AGBL1: variants seen among roughly 807,000 people sequenced by gnomAD.
AGBL1 encodes cytosolic carboxypeptidase 4.
AGBL1 carries 130 observed loss-of-function variants against 118.9 expected under a neutral mutation model. The observed-to-expected ratio is 1.09, with a 90% CI of 0.95 to 1.26. The LOEUF (loss-of-function observed/expected upper bound fraction) is 1.26, where lower values mean the gene tolerates loss of function less well. Ranked by LOEUF, AGBL1 falls within the 50% of genes most tolerant of loss-of-function variation. The pLI, the probability that AGBL1 is intolerant of heterozygous loss-of-function variation, is 0.00. For synonymous variants in AGBL1, 555 were observed against 478.9 expected (o/e 1.16, Z -2.08); for missense variants, 1,584 against 1,298.1 (o/e 1.22, Z -3.38).
At position 86,574,646 on chromosome 15, in the gene AGBL1, C is replaced by T. The variant is rs180937761; in HGVS notation, c.2994+20109C>T. ...AGGCTGGAGTGCGATGGTGTGATCT[C>T]GGCTTACTGCAATCTCCACCTCCCA... On this transcript the variant is annotated intron_variant, in intron 21 of 22. Coordinates refer to ENST00000614907, the MANE Select transcript of AGBL1 (RefSeq NM_001386094.1). Among the ~76,000 whole-genome samples, 55 of 126,690 alleles carry T rather than the reference C, an allele frequency of 4.3e-4. No homozygotes were observed. The East Asian group carries it at 7.6e-3, about 17-fold the overall frequency. The allele number at this position is 126,690 out of a possible 152,430, so 83.1% of individuals were successfully genotyped here.
At chr15:86,285,850 A>G (rs550399818) in intron 16 of AGBL1, among the ~76,000 whole-genome samples, 1 of 152,238 alleles carries the variant, frequency 6.6e-6, no homozygotes, top group African/African-American at 2.4e-5. Flanking sequence ...TCCAGCCAAC[A>G]CTATTTTGAA....
At chr15:86,770,515 C>T (rs2078161814) in intron 22 of AGBL1, among the ~76,000 whole-genome samples, 1 of 151,820 alleles carries the variant, frequency 6.6e-6, no homozygotes, top group South Asian at 2.1e-4. Context: ...ATTTAGAAAC[C>T]CTACAATAGG....
At chr15:86,514,017 A>G (rs896738306) in intron 18 of AGBL1, among the ~76,000 whole-genome samples, 1 of 151,836 alleles carries the variant, frequency 6.6e-6, no homozygotes, top group South Asian at 2.1e-4. Flanking sequence ...GGTTTCTTTT[A>G]TTCAATAATG....
At chr15:86,156,654 C>T (rs927745266) in intron 4 of AGBL1, among the ~76,000 whole-genome samples, 12 of 152,138 alleles carry the variant, frequency 7.9e-5, no homozygotes, top group African/African-American at 2.9e-4. Context: ...CTTCCCCGCC[C>T]TATGCTTTTC....
intron 22 of AGBL1, among the ~76,000 whole-genome samples, chr15:86,789,071 C>T (rs2078455200): frequency 6.6e-6 from 1 of 152,176 alleles, no homozygotes. Flanking sequence ...GAGGAAATAA[C>T]ATGTGCAAGG....
At chr15:86,693,008 G>C (rs1409767702) in intron 22 of AGBL1, among the ~76,000 whole-genome samples, 1 of 152,008 alleles carries the variant, frequency 6.6e-6, no homozygotes, top group Non-Finnish European at 1.5e-5. Context: ...TCCTCTTGTT[G>C]ATTGATAGGC....
At chr15:86,919,314 T>C (rs1001272612), downstream of AGBL1, among the ~76,000 whole-genome samples, 2 of 152,218 alleles carry the variant, frequency 1.3e-5, no homozygotes, top group Non-Finnish European at 2.9e-5. Context: ...TAGATTTTCC[T>C]GTAGTCTGAC....
intron 18 of AGBL1, among the ~76,000 whole-genome samples, chr15:86,502,768 CT>C (rs923786345): frequency 5.9e-5 from 9 of 151,384 alleles, no homozygotes; most frequent in African/African-American, 2.2e-4. Context: ...ATGAATCCCA[CT>C]TGTTTGTGAA....
At chr15:86,629,245 T>C (rs2084931091) in intron 21 of AGBL1, among the ~76,000 whole-genome samples, 1 of 152,126 alleles carries the variant, frequency 6.6e-6, no homozygotes, top group Non-Finnish European at 1.5e-5. Flanking sequence ...TGGTTGGAGC[T>C]TGAGAAAGTA....
chr15:86,306,471 T>C (rs2079842762), intron 17 of AGBL1, among the ~76,000 whole-genome samples: 1 of 152,214 alleles, frequency 6.6e-6, no homozygotes, highest in Non-Finnish European at 1.5e-5. Context: ...TTTCTATCCA[T>C]GTTGTTGCAA....
Position 86,105,430 on chromosome 15 carries a change from T to C in AGBL1, c.51+25407T>C, listed in dbSNP as rs61506961. 4 of 152,326 alleles carry C rather than the reference T, an allele frequency of 2.6e-5. No individual in the cohort carries two copies. The East Asian group carries it at 7.7e-4, about 29-fold the overall frequency. The allele number at this position is 152,326 out of a possible 1,614,324, so 9.4% of individuals were successfully genotyped here. A position where few individuals can be genotyped will look rare whatever the true frequency, so the allele number is the denominator to read the frequency against. On this transcript the variant is annotated intron_variant, in intron 1 of 22. Coordinates refer to ENST00000614907, the MANE Select transcript of AGBL1 (RefSeq NM_001386094.1). Reference sequence around the variant, plus strand: ...GGCTAGTAAAGGCACAAACTCATGTTAGCGGGGCCACCATCACTAATTTAG... The same window carrying C: ...GGCTAGTAAAGGCACAAACTCATGTCAGCGGGGCCACCATCACTAATTTAG...
At chr15:86,672,270 G>A (rs965628642) in intron 21 of AGBL1, among the ~76,000 whole-genome samples, 1 of 152,172 alleles carries the variant, frequency 6.6e-6, no homozygotes, top group Non-Finnish European at 1.5e-5. Flanking sequence ...TGACAACTAT[G>A]ACCTGAAATA....
intron 3 of AGBL1, among the ~76,000 whole-genome samples, chr15:86,147,109 G>A (rs937703454): frequency 2.0e-5 from 3 of 152,198 alleles, no homozygotes; most frequent in Non-Finnish European, 4.4e-5. Context: ...ATTTGGAACA[G>A]TAATGTAGAA....
In AGBL1 at chr15:86,522,890, A is replaced by T; in HGVS notation, c.2636A>T (p.His879Leu). Residue 879 changes from histidine to leucine, a missense_variant, in exon 19 of 23, where the codon CAT (histidine) becomes CTT (leucine). Transcript: ENST00000614907. ...PSAHLQPTIY[H>L]AKGLLYHLSS... ...GCTCATCTGCAGCCAACCATTTACC[A>T]TGCCAAAGGCCTCCTCTACCACCTG... 2 of 1,613,982 alleles carry T rather than the reference A, an allele frequency of 1.2e-6. No homozygotes were observed. The highest frequency in any genetic ancestry group is 1.7e-6 in the Non-Finnish European group (2 of 1,179,856).
chr15:86,631,767 G>A (rs747421198), intron 21 of AGBL1, among the ~76,000 whole-genome samples: 8 of 152,172 alleles, frequency 5.3e-5, no homozygotes, highest in Non-Finnish European at 1.0e-4. Context: ...CCAACCCCAG[G>A]TCCTGAATCT....
chr15:86,876,683 T>G (rs943285007), intron 22 of AGBL1, among the ~76,000 whole-genome samples: 5 of 152,206 alleles, frequency 3.3e-5, no homozygotes, highest in Admixed American at 2.0e-4. Flanking sequence ...ACTCTGCCCT[T>G]GTAGCACAAA....
At chr15:86,219,138 A>G (rs2078237925) in intron 5 of AGBL1, among the ~76,000 whole-genome samples, 2 of 152,050 alleles carry the variant, frequency 1.3e-5, no homozygotes, top group African/African-American at 4.8e-5. Flanking sequence ...ATAGGAGCAC[A>G]TTTTTTCTCC....
chr15:86,817,144 AGC>A (rs1307882711), intron 22 of AGBL1, among the ~76,000 whole-genome samples: 2 of 151,824 alleles, frequency 1.3e-5, no homozygotes, highest in Non-Finnish European at 2.9e-5. Context: ...AAAAAAAATT[AGC>A]CAGGCGTGGT....
chr15:86,089,520 A>G lies in AGBL1; in HGVS notation c.51+9497A>G, dbSNP rs1895884499. Among the ~76,000 whole-genome samples, 4 of 152,334 alleles carry G rather than the reference A, an allele frequency of 2.6e-5. No individual in the cohort carries two copies. In the South Asian group the frequency reaches 8.3e-4, roughly 32 times the overall value. ...GGATAGCTTTAGCTTCAGGTTTCAC[A>G]TTAAAGGCAGGGTCAGATTTCACAG... is the stretch of plus-strand genomic sequence containing the variant. On this transcript the variant is annotated intron_variant, in intron 1 of 22. Coordinates refer to ENST00000614907, the MANE Select transcript of AGBL1 (RefSeq NM_001386094.1).
Sources: allele counts gnomAD v4.1 joint callset (sites outside exome capture counted in the v4.1 genomes callset), GRCh38; gene constraint gnomAD v4.1.1; transcripts MANE v1.5; gene names NCBI Gene and HGNC (gene_info 2026-07-23, HGNC 2026-07-21).